Variants in NXPH1 observed in about 807,000 individuals in gnomAD.
NXPH1 encodes the protein neurexophilin 1.
NXPH1 carries 5 observed loss-of-function variants against 23.7 expected under a neutral mutation model. The observed-to-expected ratio is 0.21, with a 90% CI of 0.11 to 0.44. The LOEUF (loss-of-function observed/expected upper bound fraction) is 0.44, where lower values mean the gene tolerates loss of function less well. NXPH1 is among the 20% of genes least tolerant of loss of function. The pLI is 0.99. For missense variants in NXPH1, 324 were observed against 321.6 expected (o/e 1.01, Z -0.06); for synonymous variants, 144 against 122.2 (o/e 1.18, Z -1.18).
intron 2 of NXPH1, among the ~76,000 whole-genome samples, chr7:8,507,076 G>C (rs1817538912): frequency 6.6e-6 from 1 of 150,486 alleles, no homozygotes; most frequent in Non-Finnish European, 1.5e-5. Flanking sequence ...CAACAGTTCA[G>C]GTGAGAGACA....
intron 2 of NXPH1, among the ~76,000 whole-genome samples, chr7:8,738,199 T>C (rs187186648): frequency 2.4e-4 from 37 of 152,346 alleles, no homozygotes; most frequent in Admixed American, 1.4e-3. Flanking sequence ...TGTCATCATT[T>C]GGAGGAGAAG....
chr7:8,477,893 G>A (rs1026758579), intron 2 of NXPH1, among the ~76,000 whole-genome samples: 4 of 152,114 alleles, frequency 2.6e-5, no homozygotes, highest in Non-Finnish European at 4.4e-5. Context: ...TTACGTGTTT[G>A]AATTTCTGAC....
At chr7:8,728,431 G>A (rs1031459434) in intron 2 of NXPH1, among the ~76,000 whole-genome samples, 43 of 152,082 alleles carry the variant, frequency 2.8e-4, no homozygotes, top group Admixed American at 1.2e-3. Flanking sequence ...TTCAAAGGGA[G>A]TGCTTCCAGT....
At chr7:8,447,418 T>C (rs570656045) in intron 2 of NXPH1, among the ~76,000 whole-genome samples, 291 of 152,350 alleles carry the variant, frequency 1.9e-3, no homozygotes, top group South Asian at 7.7e-3. Context: ...TTAATTGCTA[T>C]TGATGTGGAG....
chr7:8,554,069 A>C (rs1307603320), intron 2 of NXPH1, among the ~76,000 whole-genome samples: 1 of 151,692 alleles, frequency 6.6e-6, no homozygotes, highest in Admixed American at 6.6e-5. Context: ...AGAGGTACAC[A>C]AACTGATTAC....
At chr7:8,468,699 A>G (rs1479333866) in intron 2 of NXPH1, among the ~76,000 whole-genome samples, 3 of 152,034 alleles carry the variant, frequency 2.0e-5, no homozygotes, top group South Asian at 2.1e-4. Context: ...TTAAGTTTCT[A>G]TGTTGCTTGC....
At chr7:8,512,730 C>T (rs761998140) in intron 2 of NXPH1, among the ~76,000 whole-genome samples, 3 of 152,058 alleles carry the variant, frequency 2.0e-5, no homozygotes, top group Non-Finnish European at 4.4e-5. Context: ...CAAACCACCC[C>T]CAATTTATTG....
intron 2 of NXPH1, among the ~76,000 whole-genome samples, chr7:8,673,243 G>A (rs1490105109): frequency 6.6e-6 from 1 of 152,098 alleles, no homozygotes; most frequent in Non-Finnish European, 1.5e-5. Context: ...AAAGTTATTT[G>A]AGTGAGATAG....
intron 2 of NXPH1, among the ~76,000 whole-genome samples, chr7:8,530,141 T>C (rs1172490238): frequency 6.6e-6 from 1 of 152,154 alleles, no homozygotes. Context: ...CCAATCATCA[T>C]GAAGAGCCTG....
intron 2 of NXPH1, among the ~76,000 whole-genome samples, chr7:8,633,408 C>T (rs767088666): frequency 3.3e-5 from 5 of 152,156 alleles, no homozygotes; most frequent in Non-Finnish European, 5.9e-5. Flanking sequence ...AGAGACAGAG[C>T]GAGAGTCCAT....
At chr7:8,521,331 A>G (rs781622761) in intron 2 of NXPH1, among the ~76,000 whole-genome samples, 1 of 152,160 alleles carries the variant, frequency 6.6e-6, no homozygotes, top group South Asian at 2.1e-4. Context: ...ATCTACATCC[A>G]GTTTTCCTAT....
chr7:8,455,443 A>T (rs896597186), intron 2 of NXPH1, among the ~76,000 whole-genome samples: 1 of 152,188 alleles, frequency 6.6e-6, no homozygotes, highest in African/African-American at 2.4e-5. Flanking sequence ...AAATGAGTGG[A>T]TCTTTTAATG....
intron 2 of NXPH1, among the ~76,000 whole-genome samples, chr7:8,484,158 C>T (rs1584186620): frequency 6.6e-6 from 1 of 152,118 alleles, no homozygotes; most frequent in Admixed American, 6.5e-5. Context: ...CATACTGGGG[C>T]TACAACGGTC....
intron 2 of NXPH1, among the ~76,000 whole-genome samples, chr7:8,453,014 C>T (rs1816533419): frequency 1.3e-5 from 2 of 152,030 alleles, no homozygotes; most frequent in African/African-American, 4.8e-5. Flanking sequence ...TATCTGCAGG[C>T]CTCTGGCAAG....
chr7:8,524,949 G>A (rs1461069141), intron 2 of NXPH1, among the ~76,000 whole-genome samples: 3 of 152,176 alleles, frequency 2.0e-5, no homozygotes, highest in Non-Finnish European at 2.9e-5. Flanking sequence ...GGTACTAGGA[G>A]TGGGGTATCA....
At chr7:8,475,656 G>C (rs749028112) in intron 2 of NXPH1, among the ~76,000 whole-genome samples, 33 of 152,042 alleles carry the variant, frequency 2.2e-4, no homozygotes, top group Non-Finnish European at 4.6e-4. Flanking sequence ...TTCTTCTTTG[G>C]TGGGAAGCTC....
At chr7:8,700,277 A>T (rs1425827438) in intron 2 of NXPH1, among the ~76,000 whole-genome samples, 1 of 152,138 alleles carries the variant, frequency 6.6e-6, no homozygotes, top group African/African-American at 2.4e-5. Flanking sequence ...TATTACTTCT[A>T]TTTATCTTTT....
At chr7:8,529,340 C>G (rs1214998413) in intron 2 of NXPH1, among the ~76,000 whole-genome samples, 1 of 152,226 alleles carries the variant, frequency 6.6e-6, no homozygotes, top group Non-Finnish European at 1.5e-5. Context: ...AAAATTCTGC[C>G]TGCCACAGAG....
intron 2 of NXPH1, among the ~76,000 whole-genome samples, chr7:8,568,647 C>CAA (rs79150555): frequency 1.0e-4 from 11 of 108,650 alleles, no homozygotes; most frequent in East Asian, 9.2e-4. Flanking sequence ...TCATTCTTAG[C>CAA]AAAAAAAAAA....
Sources: allele counts gnomAD v4.1 joint callset (sites outside exome capture counted in the v4.1 genomes callset), GRCh38; gene constraint gnomAD v4.1.1; transcripts MANE v1.5; gene names NCBI Gene and HGNC (gene_info 2026-07-23, HGNC 2026-07-21).